WNK3: variants seen among roughly 807,000 people sequenced by gnomAD.
WNK3 encodes the protein serine/threonine-protein kinase WNK3.
Under a neutral mutation model 116.7 loss-of-function variants are expected in WNK3, and 18 were observed. That is an observed-to-expected ratio of 0.15 (90% CI 0.11 to 0.23). The LOEUF is 0.23. Ranked by LOEUF, WNK3 falls within the 10% of genes least tolerant of loss-of-function variation. The probability of loss-of-function intolerance (pLI) is 1.00; values close to 1 mark genes in which losing one functional copy is unlikely to be tolerated. For missense variants in WNK3, 993 were observed against 1,323.8 expected, an observed-to-expected ratio of 0.75 and a Z score of 3.88; for synonymous variants, 404 against 469.4, an observed-to-expected ratio of 0.86 and a Z score of 1.80.
In WNK3 at chrX:54,232,835, T is replaced by C. The variant is rs1557149280; in HGVS notation, c.4814A>G (p.His1605Arg). Residue 1605 changes from histidine (H) to arginine (R), a missense_variant, in exon 21 of 24, where the codon CAT (histidine) becomes CGT (arginine). By Grantham distance (29) the His-to-Arg change is conservative. Transcript: ENST00000354646. Reference sequence around the variant, plus strand: ...TGTAGCAACTATGCCATTGTCCACATGTGTCAAGGACTGGGGGCGGCTTCG... The same window carrying C: ...TGTAGCAACTATGCCATTGTCCACACGTGTCAAGGACTGGGGGCGGCTTCG... The C allele has an allele frequency of 2.5e-6, 3 of 1,211,884 alleles. No individual in the cohort carries two copies. The South Asian group carries it at 5.3e-5, about 21-fold the overall frequency.
chrX:54,304,638 A>G (rs1557168245), intron 5 of WNK3, among the ~76,000 whole-genome samples: 1 of 111,064 alleles, frequency 9.0e-6, no homozygotes, highest in African/African-American at 3.3e-5. Context: ...TCAAATTTTC[A>G]AAATTGTCTA....
chrX:54,288,480 T>C (rs1299146692), intron 10 of WNK3, among the ~76,000 whole-genome samples: 1 of 111,711 alleles, frequency 9.0e-6, no homozygotes, highest in Non-Finnish European at 1.9e-5. Flanking sequence ...CATCTGCTGC[T>C]GCTGAATGAA....
chrX:54,352,718 G>A (rs782523574), intron 1 of WNK3, among the ~76,000 whole-genome samples: 5 of 111,292 alleles, frequency 4.5e-5, no homozygotes, highest in Non-Finnish European at 7.5e-5. Flanking sequence ...TAGCAGTTGC[G>A]CTCCTAGGTA....
chrX:54,282,002 T>TG (rs1192416208), intron 10 of WNK3, among the ~76,000 whole-genome samples: 9 of 107,335 alleles, frequency 8.4e-5, no homozygotes, highest in African/African-American at 1.4e-4. Flanking sequence ...GTATCATAGT[T>TG]TTTTTTTTTT....
At chrX:54,224,285 G>A (rs1557147188) in intron 22 of WNK3, among the ~76,000 whole-genome samples, 1 of 107,655 alleles carries the variant, frequency 9.3e-6, no homozygotes, top group Non-Finnish European at 1.9e-5. Context: ...CTGGGAGGCA[G>A]AGGTTGCAGT....
At chrX:54,353,093 C>G (rs1302282374) in intron 1 of WNK3, among the ~76,000 whole-genome samples, 5 of 111,868 alleles carry the variant, frequency 4.5e-5, no homozygotes, top group African/African-American at 6.5e-5. Flanking sequence ...ACAGAATTTC[C>G]TTTTGAGGTG....
Position 54,333,339 on chromosome X carries a change from G to T in WNK3, c.335C>A (p.Ser112Ter). ...ACAATCTTTTGAGATTTCTGAGGTT[G>T]ACTTTGAACACTGTTCATATTTAAC... The change falls in exon 2 of 24, where the codon TCA (serine) becomes TAA (stop). Residue 112 changes from serine (S) to a stop codon, truncating the protein, a stop_gained. Coordinates refer to ENST00000354646, the Ensembl canonical transcript of WNK3. LOFTEE classifies it high-confidence loss of function. 8.3e-7 allele frequency: 1 copy of T among 1,209,181 alleles called. No homozygotes were observed. Among genetic ancestry groups the T allele is most frequent in the Non-Finnish European group, 1.1e-6 (1 of 893,601 alleles).
intron 8 of WNK3, 73 bp downstream of exon 8, chrX:54,294,480 C>A: frequency 1.2e-6 from 1 of 841,866 alleles, no homozygotes; most frequent in Non-Finnish European, 1.6e-6. Flanking sequence ...TTGACCACTG[C>A]CCTTCAAAAT....
exon 17 of WNK3, chrX:54,249,393 A>C (rs2068106057): frequency 8.3e-7 from 1 of 1,211,975 alleles, no homozygotes; most frequent in Non-Finnish European, 1.1e-6. Context: ...CTGGAACTGC[A>C]CGAACTGAAG....
chrX:54,210,438 T>G (rs1229509005), intron 22 of WNK3, among the ~76,000 whole-genome samples: 1 of 110,850 alleles, frequency 9.0e-6, no homozygotes, highest in African/African-American at 3.3e-5. Flanking sequence ...CTGGGCAACA[T>G]AGCAAGACCC....
At chrX:54,240,228 C>T (rs938340988) in intron 17 of WNK3, among the ~76,000 whole-genome samples, 3 of 108,893 alleles carry the variant, frequency 2.8e-5, no homozygotes, top group South Asian at 4.1e-4. Context: ...AGCTAGAACC[C>T]GGAGGCGGAG....
chrX:54,201,024 G>A lies in WNK3; in HGVS notation c.5073+967C>T, dbSNP rs1259930734. ...TATATGACTATACATGTACACATAT[G>A]ACAATACATGTACACAAATGTAACA... is the stretch of plus-strand genomic sequence containing the variant. On this transcript the variant is annotated intron_variant, in intron 23 of 23. Transcript: ENST00000354646. Among the ~76,000 whole-genome samples the A allele has an allele frequency of 2.7e-5, 3 of 111,165 alleles. No individual in the cohort carries two copies. In the Admixed American group the frequency reaches 2.9e-4, roughly 11 times the overall value.
intron 22 of WNK3, among the ~76,000 whole-genome samples, chrX:54,221,491 C>G (rs868966606): frequency 3.6e-5 from 4 of 111,561 alleles, no homozygotes; most frequent in Middle Eastern, 9.3e-3. Context: ...ATTACACACA[C>G]ATATATTAGA....
chrX:54,294,936 C>A, intron 7 of WNK3, 89 bp from the exon 8 acceptor site: 1 of 853,194 alleles, frequency 1.2e-6, no homozygotes, highest in South Asian at 3.3e-5. Flanking sequence ...CTAGCTCTGT[C>A]GCCCAGGCTG....
intron 11 of WNK3, among the ~76,000 whole-genome samples, chrX:54,257,561 G>A (rs1351465763): frequency 9.1e-6 from 1 of 110,267 alleles, no homozygotes; most frequent in Non-Finnish European, 1.9e-5. Context: ...TTGAGAGGCT[G>A]AGGTGGGCGG....
At chrX:54,214,739 G>A (rs1428577317) in intron 22 of WNK3, among the ~76,000 whole-genome samples, 1 of 110,955 alleles carries the variant, frequency 9.0e-6, no homozygotes. Flanking sequence ...CAGGCTGGGC[G>A]CGGTGGCTCA....
chrX:54,292,432 C>T (rs1384295145), intron 10 of WNK3, among the ~76,000 whole-genome samples: 1 of 111,318 alleles, frequency 9.0e-6, no homozygotes, highest in African/African-American at 3.3e-5. Flanking sequence ...GGGCCGGGTA[C>T]TGTGGCTCAT....
intron 10 of WNK3, among the ~76,000 whole-genome samples, chrX:54,276,104 C>T (rs1363439481): frequency 9.0e-6 from 1 of 111,219 alleles, no homozygotes; most frequent in Admixed American, 9.6e-5. Context: ...CTTTGGGAGG[C>T]TGAGGCGGGT....
At chrX:54,275,145 G>A (rs1251379875) in intron 10 of WNK3, among the ~76,000 whole-genome samples, 1 of 109,330 alleles carries the variant, frequency 9.1e-6, no homozygotes, top group Admixed American at 9.9e-5. Flanking sequence ...GTGAAACCTC[G>A]TCTCTACTAA....
Sources: gnomAD v4.1 joint callset for allele counts (sites outside exome capture counted in the v4.1 genomes callset) on GRCh38, gnomAD v4.1.1 for gene constraint, MANE v1.5 for transcripts, NCBI Gene and HGNC (gene_info 2026-07-23, HGNC 2026-07-21) for gene names.